Variants in ARHGEF10L observed in about 807,000 individuals in gnomAD.
ARHGEF10L encodes rho guanine nucleotide exchange factor 10-like protein.
A neutral mutation model predicts 141.2 loss-of-function variants in ARHGEF10L; 69 were observed. The ratio of observed to expected loss-of-function variants is 0.49; its 90% confidence interval spans 0.40 to 0.60. ARHGEF10L has a LOEUF of 0.60. Ranked by LOEUF, ARHGEF10L falls within the 20% of genes least tolerant of loss-of-function variation. ARHGEF10L has a pLI of 0.00. For missense variants in ARHGEF10L, 1,482 were observed against 1,734.3 expected, an observed-to-expected ratio of 0.85 and a Z score of 2.58; for synonymous variants, 711 against 718.5, an observed-to-expected ratio of 0.99 and a Z score of 0.17.
Position 17,639,716 on chromosome 1 carries a change from C to G in ARHGEF10L, c.2172-486C>G. The G allele has an allele frequency of 1.5e-6, 1 of 657,882 alleles. No individual in the cohort carries two copies. Among genetic ancestry groups the G allele is most frequent in the Non-Finnish European group, 2.4e-6 (1 of 417,444 alleles). 40.8% of individuals were successfully genotyped at this position (657,882 alleles called of 1,614,324 possible). On this transcript the variant is annotated intron_variant, in intron 20 of 28. Coordinates refer to ENST00000361221, the MANE Select transcript of ARHGEF10L (RefSeq NM_018125.4). The surrounding 1 kb of genome is among the most constrained non-coding windows in gnomAD (Gnocchi z 4.3). ...CTGGTTGCCCCAAGCTGGTGCTTAA[C>G]CTGATTCATTCATTTCTTCATTCAT... is the stretch of plus-strand genomic sequence containing the variant.
At chr1:17,587,710 T>C in intron 3 of ARHGEF10L, 65 bp downstream of exon 3, 1 of 1,504,838 alleles carries the variant, frequency 6.6e-7, no homozygotes, top group Non-Finnish European at 8.9e-7. Flanking sequence ...GGGCGGAAGC[T>C]CCAGGCTCTC....
At chr1:17,671,908 G>A (rs1261689871) in intron 26 of ARHGEF10L, among the ~76,000 whole-genome samples, 1 of 152,232 alleles carries the variant, frequency 6.6e-6, no homozygotes, top group Non-Finnish European at 1.5e-5. Context: ...GTTAAGGCCA[G>A]AAGCCCCTCA....
chr1:17,539,809 G>T lies in ARHGEF10L; in HGVS notation c.-185G>T. ...GGGCGGGCGGCGCGGCCATTGGCTC[G>T]GGTGGCGGCGGCTGCGGCGGTGGGG... is the stretch of plus-strand genomic sequence containing the variant. On this transcript the variant is annotated 5_prime_UTR_variant, in exon 1 of 29. Transcript: ENST00000361221. The surrounding 1 kb of genome is among the most constrained non-coding windows in gnomAD (Gnocchi z 6.0). The T allele has an allele frequency of 6.8e-6, 1 of 146,698 alleles. No individual in the cohort carries two copies. Among genetic ancestry groups the T allele is most frequent in the South Asian group, 1.8e-4 (1 of 5,482 alleles). 9.1% of individuals were successfully genotyped at this position (146,698 alleles called of 1,614,324 possible).
In ARHGEF10L at chr1:17,639,946, C is replaced by A; in HGVS notation, c.2172-256C>A. The A allele has an allele frequency of 6.7e-7, 1 of 1,485,068 alleles. No individual in the cohort carries two copies. Among genetic ancestry groups the A allele is most frequent in the Admixed American group, 2.0e-5 (1 of 49,030 alleles). 92.0% of individuals were successfully genotyped at this position (1,485,068 alleles called of 1,614,324 possible). Reference sequence around the variant, plus strand: ...GGCACAAAGCCAGAGGCTCCTGGAGCCAGGCTGGGGAGCGTGGCTCAGCCA... The same window carrying A: ...GGCACAAAGCCAGAGGCTCCTGGAGACAGGCTGGGGAGCGTGGCTCAGCCA... On this transcript the variant is annotated intron_variant, in intron 20 of 28. Transcript: ENST00000361221. This position sits in a 1 kb window ranked among gnomAD's most constrained non-coding sequence, Gnocchi z 4.3.
At chr1:17,533,640 A>G in the ARHGEF10L span, among the ~76,000 whole-genome samples, 1 of 152,136 alleles carries the variant, frequency 6.6e-6, no homozygotes, top group African/African-American at 2.4e-5. Context: ...CCCCAGATGC[A>G]GGTCTTGGGT....
chr1:17,557,739 T>C (rs762775201), intron 1 of ARHGEF10L, among the ~76,000 whole-genome samples: 3 of 152,202 alleles, frequency 2.0e-5, no homozygotes, highest in Non-Finnish European at 4.4e-5. Flanking sequence ...GAAGGACTCA[T>C]GTAATTGTAA....
chr1:17,688,996 C>T (rs1405761513), intron 27 of ARHGEF10L, among the ~76,000 whole-genome samples: 3 of 152,102 alleles, frequency 2.0e-5, no homozygotes, highest in African/African-American at 7.2e-5. Flanking sequence ...TGATGAGGCC[C>T]CAAGTGCTTA....
At chr1:17,579,315 C>T (rs1001853107) in intron 1 of ARHGEF10L, among the ~76,000 whole-genome samples, 14 of 152,208 alleles carry the variant, frequency 9.2e-5, no homozygotes, top group East Asian at 1.9e-4. Flanking sequence ...ACACTGTGCC[C>T]GGCTCGGAGA....
At chr1:17,522,744 T>C in the ARHGEF10L span, among the ~76,000 whole-genome samples, 1 of 151,984 alleles carries the variant, frequency 6.6e-6, no homozygotes, top group African/African-American at 2.4e-5. Flanking sequence ...TTAATGAGAC[T>C]TTGGGACTTT....
chr1:17,639,900 C>T lies in ARHGEF10L; in HGVS notation c.2172-302C>T. 1 of 1,433,528 alleles carries T rather than the reference C, an allele frequency of 7.0e-7. No homozygotes were observed. Among genetic ancestry groups the T allele is most frequent in the South Asian group, 1.2e-5 (1 of 82,332 alleles). 88.8% of individuals were successfully genotyped at this position (1,433,528 alleles called of 1,614,324 possible). Reference sequence around the variant, plus strand: ...GCTGACCGCTGACCAGGTGGAGTCACAGCCTGCAGAGGCTCTGCCGGGCAC... The same window carrying T: ...GCTGACCGCTGACCAGGTGGAGTCATAGCCTGCAGAGGCTCTGCCGGGCAC... On this transcript the variant is annotated intron_variant, in intron 20 of 28. Coordinates refer to ENST00000361221, the MANE Select transcript of ARHGEF10L (RefSeq NM_018125.4). The surrounding 1 kb of genome is among the most constrained non-coding windows in gnomAD (Gnocchi z 4.3).
intron 22 of ARHGEF10L, 58 bp downstream of exon 22, chr1:17,648,733 C>G (rs200904425): frequency 1.3e-6 from 2 of 1,586,064 alleles, no homozygotes; most frequent in Non-Finnish European, 1.7e-6. Context: ...TCCCCCTCGC[C>G]TGGGAGAACC....
intron 1 of ARHGEF10L, among the ~76,000 whole-genome samples, chr1:17,571,543 G>A (rs1188585055): frequency 6.6e-6 from 1 of 152,008 alleles, no homozygotes; most frequent in Non-Finnish European, 1.5e-5. Flanking sequence ...TATTTATTAT[G>A]ACTTTTTTGA....
At chr1:17,575,641 G>T (rs1037470644) in intron 1 of ARHGEF10L, among the ~76,000 whole-genome samples, 2 of 152,224 alleles carry the variant, frequency 1.3e-5, no homozygotes, top group Non-Finnish European at 2.9e-5. Flanking sequence ...TAGGACCCAG[G>T]CTCCATTCTG....
chr1:17,670,578 G>A (rs1401246133), intron 26 of ARHGEF10L, among the ~76,000 whole-genome samples: 1 of 152,216 alleles, frequency 6.6e-6, no homozygotes, highest in Admixed American at 6.5e-5. Flanking sequence ...AGGTGTGCTC[G>A]GCTGCATGGA....
intron 26 of ARHGEF10L, among the ~76,000 whole-genome samples, chr1:17,670,447 C>T (rs537539557): frequency 6.6e-6 from 1 of 152,366 alleles, no homozygotes; most frequent in East Asian, 1.9e-4. Context: ...AAGTCTAATC[C>T]AGTCGTTTGG....
intron 21 of ARHGEF10L, among the ~76,000 whole-genome samples, chr1:17,645,816 T>A (rs1377735538): frequency 1.8e-4 from 27 of 152,116 alleles, no homozygotes. Flanking sequence ...CTGGCCAGCG[T>A]GGAGTGCGGA....
chr1:17,516,815 C>A, the ARHGEF10L span, among the ~76,000 whole-genome samples: 1 of 152,214 alleles, frequency 6.6e-6, no homozygotes, highest in Non-Finnish European at 1.5e-5. Context: ...CATGCTATTA[C>A]TTCTGCAGGT....
rs377181455 is a variant in ARHGEF10L, at chr1:17,613,190, C to A, written c.726+16C>A. 6.3e-7 allele frequency: 1 copy of A among 1,597,820 alleles called. No homozygotes were observed. Among genetic ancestry groups the A allele is most frequent in the East Asian group, 2.2e-5 (1 of 44,724 alleles). On this transcript the variant is annotated intron_variant, in intron 8 of 28. Coordinates refer to ENST00000361221, the MANE Select transcript of ARHGEF10L (RefSeq NM_018125.4). The stretch of plus-strand genomic sequence containing the variant: ...CGATTGTAAGGTATTGTCTGTCTGT[C>A]CCCTCAAGCCCTGGATGGGGGCTGT...
intron 22 of ARHGEF10L, among the ~76,000 whole-genome samples, chr1:17,653,438 C>G (rs1333769283): frequency 6.6e-6 from 1 of 152,218 alleles, no homozygotes; most frequent in Admixed American, 6.5e-5. Flanking sequence ...GACATCAGGG[C>G]CCACTGGAGT....
Sources: gnomAD v4.1 joint callset for allele counts (sites outside exome capture counted in the v4.1 genomes callset) on GRCh38, gnomAD v4.1.1 for gene constraint, Gnocchi (gnomAD v3.1) non-coding constraint, MANE v1.5 for transcripts, NCBI Gene and HGNC (gene_info 2026-07-23, HGNC 2026-07-21) for gene names.